CUX2: variants seen among roughly 807,000 people sequenced by gnomAD.
The protein encoded by CUX2 is cut like homeobox 2, also known as homeobox protein cut-like 2.
Under a neutral mutation model 144.8 loss-of-function variants are expected in CUX2, and 40 were observed. The ratio of observed to expected loss-of-function variants is 0.28; its 90% confidence interval spans 0.21 to 0.36. CUX2 has a LOEUF of 0.36. Among genes scored for constraint, CUX2 ranks in the 10% least tolerant of loss-of-function variants. The pLI is 1.00. For synonymous variants in CUX2, 827 were observed against 875.6 expected, an observed-to-expected ratio of 0.94 and a Z score of 0.98; for missense variants, 1,615 against 1,994.0, an observed-to-expected ratio of 0.81 and a Z score of 3.62.
At chr12:111,308,386 C>G (rs1023956847) in intron 13 of CUX2, 41 bp from the exon 14 acceptor site, 1 of 1,613,832 alleles carries the variant, frequency 6.2e-7, no homozygotes, top group African/African-American at 1.3e-5. Context: ...GTGAGCCTTC[C>G]GCCCACCAGG....
intron 1 of CUX2, among the ~76,000 whole-genome samples, chr12:111,053,059 G>A (rs1870353116): frequency 6.6e-6 from 1 of 152,020 alleles, no homozygotes; most frequent in Non-Finnish European, 1.5e-5. Context: ...GACTGGCTCT[G>A]CTCTTGCCAG....
chr12:111,245,142 G>C (rs1233920943), intron 3 of CUX2, among the ~76,000 whole-genome samples: 1 of 152,200 alleles, frequency 6.6e-6, no homozygotes, highest in Non-Finnish European at 1.5e-5. Context: ...AAGGTGAACT[G>C]TTCTTGGTAT....
intron 1 of CUX2, among the ~76,000 whole-genome samples, chr12:111,094,956 G>T (rs1182970634): frequency 2.6e-5 from 4 of 152,190 alleles, no homozygotes; most frequent in Non-Finnish European, 5.9e-5. Flanking sequence ...CTTAGTTACA[G>T]AATTGTCCCC....
chr12:111,289,374 C>T lies in CUX2; in HGVS notation c.302-2044C>T, dbSNP rs1885560623. ...TCACATCTACCTTTCAGCAAGTCACCTGGTTTCTCTGAGCCTCAGTTTCCT... is the reference window on the plus strand; with the variant it reads ...TCACATCTACCTTTCAGCAAGTCACTTGGTTTCTCTGAGCCTCAGTTTCCT... On this transcript the variant is annotated intron_variant, in intron 4 of 21. Transcript: ENST00000261726. This position sits in a 1 kb window ranked among gnomAD's most constrained non-coding sequence, Gnocchi z 4.1. 6.6e-6 allele frequency among the ~76,000 whole-genome samples: 1 copy of T among 152,150 alleles called. No individual in the cohort carries two copies. Among genetic ancestry groups the T allele is most frequent in the Admixed American group, 6.5e-5 (1 of 15,270 alleles).
intron 1 of CUX2, among the ~76,000 whole-genome samples, chr12:111,048,744 G>A (rs1318091448): frequency 6.6e-6 from 1 of 152,198 alleles, no homozygotes; most frequent in Admixed American, 6.5e-5. Flanking sequence ...GCCACATGCA[G>A]GTATTCTGTC....
chr12:111,092,468 A>G (rs1249727098), intron 1 of CUX2, among the ~76,000 whole-genome samples: 1 of 152,174 alleles, frequency 6.6e-6, no homozygotes, highest in African/African-American at 2.4e-5. Context: ...TACCTTCCCA[A>G]TGCGGCTGTT....
chr12:111,291,935 G>A (rs1037354812), intron 5 of CUX2, among the ~76,000 whole-genome samples: 12 of 152,138 alleles, frequency 7.9e-5, no homozygotes, highest in Non-Finnish European at 1.6e-4. Flanking sequence ...CAAGCCCTGG[G>A]ATGAGCCCTT....
intron 1 of CUX2, chr12:111,099,937 C>T: frequency 2.2e-6 from 1 of 457,208 alleles, no homozygotes; most frequent in Non-Finnish European, 4.4e-6. Flanking sequence ...CAGAGCAGAA[C>T]CTGCGTCAGC....
chr12:111,166,786 C>G (rs768559857), intron 1 of CUX2, among the ~76,000 whole-genome samples: 8 of 152,124 alleles, frequency 5.3e-5, no homozygotes, highest in South Asian at 2.1e-4. Context: ...TGCCCAGGAC[C>G]GAGAAGTCCT....
chr12:111,320,486 G>A lies in CUX2; in HGVS notation c.2477G>A (p.Arg826His), dbSNP rs903333940. ...SGQPNGRAWP[R>H]GDEAPVPPED... is the part of the protein sequence containing the mutation. ...CAGCCCAACGGCCGCGCCTGGCCCC[G>A]CGGGGACGAGGCCCCTGTGCCCCCC... The change falls in exon 17 of 22, where the codon CGC becomes CAC. Residue 826 changes from arginine (R) to histidine (H), a missense_variant. Physicochemically the swap from Arg to His is conservative, Grantham distance 29. This residue lies in a region of CUX2 where 390 missense variants were observed against 387.1 expected (regional missense o/e 1.01). Coordinates refer to ENST00000261726, the MANE Select transcript of CUX2 (RefSeq NM_015267.4). This position sits in a 1 kb window ranked among gnomAD's most constrained non-coding sequence, Gnocchi z 8.1. 5.7e-6 allele frequency: 9 copies of A among 1,587,400 alleles called. No individual in the cohort carries two copies. Among genetic ancestry groups the A allele is most frequent in the Non-Finnish European group, 7.7e-6 (9 of 1,171,848 alleles).
At chr12:111,318,055 T>TTTG (rs574274806) in intron 16 of CUX2, among the ~76,000 whole-genome samples, 121 of 151,426 alleles carry the variant, frequency 8.0e-4, no homozygotes, top group Non-Finnish European at 5.9e-4. Flanking sequence ...TGGACTTGTT[T>TTTG]TTGTTGTTGT....
At chr12:111,091,793 G>A (rs552590395) in intron 1 of CUX2, among the ~76,000 whole-genome samples, 2 of 152,284 alleles carry the variant, frequency 1.3e-5, no homozygotes, top group South Asian at 2.1e-4. Context: ...GGTGGCTGCC[G>A]GCCCTGCCTG....
intron 1 of CUX2, among the ~76,000 whole-genome samples, chr12:111,103,823 C>G (rs1194285800): frequency 6.6e-6 from 1 of 152,234 alleles, no homozygotes; most frequent in African/African-American, 2.4e-5. Flanking sequence ...TCTCATCCTA[C>G]TCAGATCTTG....
intron 1 of CUX2, among the ~76,000 whole-genome samples, chr12:111,049,706 A>T (rs964478875): frequency 6.6e-6 from 1 of 152,224 alleles, no homozygotes; most frequent in Non-Finnish European, 1.5e-5. Flanking sequence ...GCCTGCCTTC[A>T]AGGAGACACC....
chr12:111,141,721 T>C (rs1225879320), intron 1 of CUX2, among the ~76,000 whole-genome samples: 1 of 152,226 alleles, frequency 6.6e-6, no homozygotes, highest in Non-Finnish European at 1.5e-5. Flanking sequence ...GTCAAGGTCT[T>C]AGTTCCATGC....
chr12:111,070,503 G>A (rs1393708562), intron 1 of CUX2, among the ~76,000 whole-genome samples: 3 of 149,252 alleles, frequency 2.0e-5, no homozygotes, highest in African/African-American at 4.9e-5. Flanking sequence ...CAACAAAATC[G>A]AGAGTTGCCG....
chr12:111,100,608 C>T lies in CUX2; in HGVS notation c.63+66368C>T, dbSNP rs1346676917. On this transcript the variant is annotated intron_variant, in intron 1 of 21. Coordinates refer to ENST00000261726, the MANE Select transcript of CUX2 (RefSeq NM_015267.4). ...GCGTGTGTGTAAGCATGAGTGTACA[C>T]CCACAAGTGTGTGAATTGTATACAT... Among the ~76,000 whole-genome samples the T allele has an allele frequency of 3.9e-5, 6 of 152,112 alleles. 1 individual carries two copies. In the South Asian group the frequency reaches 1.2e-3, roughly 32 times the overall value.
At chr12:111,191,055 T>G (rs1379745272) in intron 1 of CUX2, among the ~76,000 whole-genome samples, 2 of 152,126 alleles carry the variant, frequency 1.3e-5, no homozygotes, top group Non-Finnish European at 2.9e-5. Flanking sequence ...GGGCAAAACT[T>G]GGAGCCTCCA....
chr12:111,168,785 T>C (rs1414311616), intron 1 of CUX2, among the ~76,000 whole-genome samples: 2 of 152,202 alleles, frequency 1.3e-5, no homozygotes, highest in Non-Finnish European at 2.9e-5. Flanking sequence ...AAGTAGCTAA[T>C]AAGAAACGCA....
Sources: allele counts gnomAD v4.1 joint callset (sites outside exome capture counted in the v4.1 genomes callset), GRCh38; gene constraint gnomAD v4.1.1; regional missense constraint gnomAD v4.1.1; non-coding constraint Gnocchi (gnomAD v3.1); transcripts MANE v1.5; gene names NCBI Gene and HGNC (gene_info 2026-07-23, HGNC 2026-07-21).